The following KCNB2 variants were observed in gnomAD, a reference collection of about 807,000 sequenced individuals.
The protein encoded by KCNB2 is potassium voltage-gated channel subfamily B member 2, also known as delayed rectifier potassium channel protein.
A neutral mutation model predicts 61.5 loss-of-function variants in KCNB2; 15 were observed. The ratio of observed to expected loss-of-function variants is 0.24; its 90% CI spans 0.16 to 0.38. The LOEUF (loss-of-function observed/expected upper bound fraction) is 0.38. KCNB2 is among the 10% of genes least tolerant of loss of function. The pLI is 1.00. For missense variants in KCNB2, 828 were observed against 1,125.2 expected, an observed-to-expected ratio of 0.74 and a Z score of 3.78; for synonymous variants, 457 against 446.0, an observed-to-expected ratio of 1.02 and a Z score of -0.31.
chr8:72,932,301 A>T (rs1024979593), intron 2 of KCNB2, among the ~76,000 whole-genome samples: 3 of 152,210 alleles, frequency 2.0e-5, no homozygotes, highest in Admixed American at 1.3e-4. Context: ...GTGTGCATTC[A>T]TCTAAAGACA....
intron 2 of KCNB2, among the ~76,000 whole-genome samples, chr8:72,636,674 A>T (rs1230213317): frequency 6.6e-6 from 1 of 152,192 alleles, no homozygotes; most frequent in African/African-American, 2.4e-5. Context: ...GCTGTAGCCT[A>T]GTTTTCTTTG....
At chr8:72,566,333 T>C (rs1432103250) in intron 1 of KCNB2, among the ~76,000 whole-genome samples, 1 of 152,204 alleles carries the variant, frequency 6.6e-6, no homozygotes, top group Non-Finnish European at 1.5e-5. Flanking sequence ...CAGAGCATTC[T>C]AATAGCTATG....
rs10631337 is a variant in KCNB2 at position 72,920,475 on chromosome 8, A to ATCTATCTATCTATC, written c.580-15459_580-15458insCTATCTATCTATCT. ...TATCTATCTATCTATCTATCTATCT[A>ATCTATCTATCTATC]TATATATATATATTAGCTGGCCATG... On this transcript the variant is annotated intron_variant, in intron 2 of 2. Transcript: ENST00000523207. Among the ~76,000 whole-genome samples, 92 of 58,394 alleles carry ATCTATCTATCTATC rather than the reference A, an allele frequency of 1.6e-3. 8 individuals are homozygous for ATCTATCTATCTATC. Among genetic ancestry groups the ATCTATCTATCTATC allele is most frequent in the Middle Eastern group, 9.8e-3 (1 of 102 alleles). 38.3% of individuals were successfully genotyped at this position (58,394 alleles called of 152,430 possible).
In KCNB2 at chr8:72,898,401, C is replaced by A. The variant is rs187608668; in HGVS notation, c.580-37534C>A. 9.0e-4 allele frequency among the ~76,000 whole-genome samples: 137 copies of A among 151,976 alleles called. No homozygotes were observed. The East Asian group carries it at 0.023, about 26-fold the overall frequency. ...GGCACATGTATACGTATGTAACTAA[C>A]CTGCACGTTGTGTACATGTACCCTA... On this transcript the variant is annotated intron_variant, in intron 2 of 2. Transcript: ENST00000523207.
intron 2 of KCNB2, among the ~76,000 whole-genome samples, chr8:72,872,537 T>G (rs1805636231): frequency 6.6e-6 from 1 of 152,230 alleles, no homozygotes; most frequent in Admixed American, 6.5e-5. Context: ...AGAAGGAAGC[T>G]TGTAGATTTC....
intron 2 of KCNB2, among the ~76,000 whole-genome samples, chr8:72,645,288 G>A (rs1047663364): frequency 3.3e-5 from 5 of 152,092 alleles, no homozygotes; most frequent in East Asian, 3.9e-4. Flanking sequence ...GGTCTGTACC[G>A]CTTGTCATTT....
intron 2 of KCNB2, among the ~76,000 whole-genome samples, chr8:72,603,897 C>T (rs542485284): frequency 1.8e-4 from 28 of 152,108 alleles, no homozygotes; most frequent in Non-Finnish European, 3.2e-4. Context: ...GATGCATCTA[C>T]AAGCCGAGGA....
intron 2 of KCNB2, among the ~76,000 whole-genome samples, chr8:72,583,096 G>T (rs557454911): frequency 1.3e-5 from 2 of 152,100 alleles, no homozygotes; most frequent in East Asian, 3.9e-4. Context: ...TAAATATTAG[G>T]CATTCCTTTT....
chr8:72,575,586 A>C (rs1403135409), intron 2 of KCNB2, among the ~76,000 whole-genome samples: 2 of 152,150 alleles, frequency 1.3e-5, no homozygotes, highest in Non-Finnish European at 2.9e-5. Flanking sequence ...TAAAATATTG[A>C]ATATTTTATT....
chr8:72,789,013 T>C (rs1056589689), intron 2 of KCNB2, among the ~76,000 whole-genome samples: 1 of 152,164 alleles, frequency 6.6e-6, no homozygotes, highest in Non-Finnish European at 1.5e-5. Flanking sequence ...CCAGACACTA[T>C]GGGTACAAAA....
At chr8:72,873,788 A>G (rs1805657249) in intron 2 of KCNB2, among the ~76,000 whole-genome samples, 1 of 152,248 alleles carries the variant, frequency 6.6e-6, no homozygotes, top group Non-Finnish European at 1.5e-5. Flanking sequence ...AACAAAGGGT[A>G]ATTCACATCT....
intron 1 of KCNB2, among the ~76,000 whole-genome samples, chr8:72,561,733 ATCTATATATATATG>A (rs1563523430): frequency 9.2e-4 from 17 of 18,490 alleles, no homozygotes; most frequent in African/African-American, 5.3e-3. Flanking sequence ...ATATATCTAT[ATCTATATATATATG>A]TATATATATA....
intron 2 of KCNB2, among the ~76,000 whole-genome samples, chr8:72,691,131 G>A (rs1024958865): frequency 2.0e-5 from 3 of 152,200 alleles, no homozygotes; most frequent in East Asian, 1.9e-4. Flanking sequence ...ATAACTTGAC[G>A]TTTTAAAAAA....
chr8:72,619,442 G>T, intron 2 of KCNB2: 1 of 314,834 alleles, frequency 3.2e-6, no homozygotes, highest in East Asian at 7.7e-5. Context: ...CATTCTAAAA[G>T]GTGGTGTAAA....
At chr8:72,703,844 G>A (rs1208305591) in intron 2 of KCNB2, among the ~76,000 whole-genome samples, 3 of 152,202 alleles carry the variant, frequency 2.0e-5, no homozygotes, top group Non-Finnish European at 4.4e-5. Context: ...GATTAGGAAG[G>A]AAGCACTGGA....
chr8:72,697,035 A>G (rs1446737621), intron 2 of KCNB2, among the ~76,000 whole-genome samples: 1 of 152,228 alleles, frequency 6.6e-6, no homozygotes, highest in African/African-American at 2.4e-5. Flanking sequence ...TTACTATTTA[A>G]TCAGTGTAAA....
In KCNB2 at chr8:72,685,644, TG is replaced by T. The variant is rs1440188289; in HGVS notation, c.579+117333del. On this transcript the variant is annotated intron_variant, in intron 2 of 2. Transcript: ENST00000523207. Reference sequence around the variant, plus strand: ...GTTGAAGCTAAGACCTGAAGATGAGTGGCAGAGCGGTTGAGTCACGGTCTGA... The same window carrying T: ...GTTGAAGCTAAGACCTGAAGATGAGTGCAGAGCGGTTGAGTCACGGTCTGA... 2.1e-3 allele frequency among the ~76,000 whole-genome samples: 318 copies of T among 151,968 alleles called. 3 individuals are homozygous for T. Among genetic ancestry groups the T allele is most frequent in the African/African-American group, 7.2e-3 (299 of 41,456 alleles).
intron 1 of KCNB2, among the ~76,000 whole-genome samples, chr8:72,539,637 A>T (rs886264263): frequency 1.3e-5 from 2 of 151,354 alleles, no homozygotes; most frequent in Non-Finnish European, 2.9e-5. Context: ...CAGAAAAATC[A>T]CTCTCCTGCC....
At chr8:72,828,727 T>A (rs1809640291) in intron 2 of KCNB2, among the ~76,000 whole-genome samples, 1 of 152,244 alleles carries the variant, frequency 6.6e-6, no homozygotes. Flanking sequence ...GAGGATGCTA[T>A]AATCACGCGT....
Sources: gnomAD v4.1 joint callset for allele counts (sites outside exome capture counted in the v4.1 genomes callset) on GRCh38, gnomAD v4.1.1 for gene constraint, MANE v1.5 for transcripts, NCBI Gene and HGNC (gene_info 2026-07-23, HGNC 2026-07-21) for gene names.